Variants in IQCM observed in about 807,000 individuals in gnomAD.
The protein encoded by IQCM is IQ domain-containing protein M.
A neutral mutation model predicts 57.6 loss-of-function variants in IQCM; 45 were observed. The ratio of observed to expected loss-of-function variants is 0.78; its 90% CI spans 0.62 to 1.00. IQCM has a LOEUF of 1.00. Among genes scored for constraint, IQCM ranks in the 50% least tolerant of loss-of-function variants. IQCM has a pLI of 0.00. For missense variants in IQCM, 468 were observed against 511.6 expected, an observed-to-expected ratio of 0.91 and a Z score of 0.82; for synonymous variants, 148 against 158.9, an observed-to-expected ratio of 0.93 and a Z score of 0.51.
In IQCM at chr4:149,390,881, GT is replaced by G. The variant is rs549337957; in HGVS notation, c.1391-38816del. Among the ~76,000 whole-genome samples, 89 of 146,338 alleles carry G rather than the reference GT, an allele frequency of 6.1e-4. 1 individual carries two copies. In the South Asian group the frequency reaches 0.017, roughly 27 times the overall value. Reference sequence around the variant, plus strand: ...GAATATTTGTCTGTAGTTTTGTTTTGTTTTTTTTTTCTTTATATCTGTCTGG... The same window carrying G: ...GAATATTTGTCTGTAGTTTTGTTTTGTTTTTTTTTCTTTATATCTGTCTGG... On this transcript the variant is annotated intron_variant, in intron 13 of 13. Transcript: ENST00000636793.
intron 2 of IQCM, among the ~76,000 whole-genome samples, chr4:149,765,661 A>G (rs546076862): frequency 6.6e-6 from 1 of 152,236 alleles, no homozygotes; most frequent in South Asian, 2.1e-4. Flanking sequence ...TAGTGTAGCT[A>G]AATGATAACC....
intron 12 of IQCM, among the ~76,000 whole-genome samples, chr4:149,456,426 G>A (rs535721850): frequency 1.1e-4 from 16 of 152,104 alleles, no homozygotes; most frequent in Non-Finnish European, 1.3e-4. Flanking sequence ...TTTGGGATGG[G>A]ACCTAAGTCT....
At chr4:149,613,706 C>T (rs1278010441) in intron 8 of IQCM, among the ~76,000 whole-genome samples, 1 of 152,034 alleles carries the variant, frequency 6.6e-6, no homozygotes, top group Non-Finnish European at 1.5e-5. Context: ...TCTCCTAATG[C>T]TATCTCTCCC....
At chr4:149,739,832 T>A (rs974418335) in intron 3 of IQCM, among the ~76,000 whole-genome samples, 1 of 151,492 alleles carries the variant, frequency 6.6e-6, no homozygotes, top group African/African-American at 2.4e-5. Context: ...ATTTATCTTT[T>A]AAAAAAAAAC....
intron 7 of IQCM, among the ~76,000 whole-genome samples, chr4:149,650,410 T>G (rs548785989): frequency 4.0e-5 from 6 of 151,178 alleles, no homozygotes; most frequent in Middle Eastern, 3.4e-3. Context: ...CTGGGTTTTT[T>G]TTTTTTTTTT....
chr4:149,394,631 C>T (rs1194236847), intron 13 of IQCM, among the ~76,000 whole-genome samples: 6 of 151,840 alleles, frequency 4.0e-5, no homozygotes, highest in Non-Finnish European at 5.9e-5. Flanking sequence ...GTCTCTATGG[C>T]CTCCAGGGTG....
chr4:149,387,254 C>T (rs1578882108), intron 13 of IQCM, among the ~76,000 whole-genome samples: 4 of 152,080 alleles, frequency 2.6e-5, no homozygotes, highest in Middle Eastern at 3.4e-3. Context: ...AGCACTAATC[C>T]CATTCATAAG....
At chr4:149,390,163 G>A (rs1731745042) in intron 13 of IQCM, among the ~76,000 whole-genome samples, 1 of 151,948 alleles carries the variant, frequency 6.6e-6, no homozygotes. Flanking sequence ...CAGTACACAA[G>A]TATTGTACTT....
At chr4:149,381,096 A>G (rs920521665) in intron 13 of IQCM, among the ~76,000 whole-genome samples, 15 of 152,130 alleles carry the variant, frequency 9.9e-5, no homozygotes, top group African/African-American at 3.6e-4. Context: ...TTTGCAGGCT[A>G]AAACTATTTG....
chr4:149,795,608 T>C (rs1241464976), intron 2 of IQCM, among the ~76,000 whole-genome samples: 1 of 152,170 alleles, frequency 6.6e-6, no homozygotes, highest in Non-Finnish European at 1.5e-5. Context: ...AAATAAGTGC[T>C]GGCATCTCCT....
At chr4:149,439,859 A>G (rs1486256473) in intron 12 of IQCM, among the ~76,000 whole-genome samples, 1 of 152,014 alleles carries the variant, frequency 6.6e-6, no homozygotes, top group Non-Finnish European at 1.5e-5. Flanking sequence ...AGCATACATA[A>G]TCCATAAGAT....
At chr4:149,757,367 A>T (rs1769074241) in intron 2 of IQCM, among the ~76,000 whole-genome samples, 2 of 150,100 alleles carry the variant, frequency 1.3e-5, no homozygotes, top group Admixed American at 1.4e-4. Context: ...AAGTACAAAA[A>T]AATAAACAGA....
At chr4:149,595,762 G>A (rs1404911612) in intron 8 of IQCM, among the ~76,000 whole-genome samples, 1 of 152,114 alleles carries the variant, frequency 6.6e-6, no homozygotes. Context: ...TTCCAGGAAT[G>A]CAAACAAACC....
chr4:149,772,808 A>G (rs1212604423), intron 2 of IQCM, among the ~76,000 whole-genome samples: 1 of 152,224 alleles, frequency 6.6e-6, no homozygotes, highest in Non-Finnish European at 1.5e-5. Flanking sequence ...TAACAACTAG[A>G]TATCACTTTG....
At chr4:149,761,564 C>T (rs1769517813) in intron 2 of IQCM, among the ~76,000 whole-genome samples, 1 of 152,134 alleles carries the variant, frequency 6.6e-6, no homozygotes, top group Non-Finnish European at 1.5e-5. Context: ...CTTACACTAT[C>T]TATCCTTTAT....
intron 7 of IQCM, among the ~76,000 whole-genome samples, chr4:149,625,297 T>C (rs1224920829): frequency 1.3e-5 from 2 of 152,222 alleles, no homozygotes; most frequent in East Asian, 3.8e-4. Context: ...CCACCTTCTT[T>C]TGTTTGTTTA....
intron 12 of IQCM, among the ~76,000 whole-genome samples, chr4:149,465,071 G>T (rs940627789): frequency 3.3e-5 from 5 of 152,028 alleles, no homozygotes; most frequent in Non-Finnish European, 7.4e-5. Context: ...GCTTACACAA[G>T]TGCCCAAACT....
rs1773340322 is a variant in IQCM at position 149,798,740 on chromosome 4, G to A, written c.-49+16571C>T. ...TAAATTTCAAGACAAAACCATAAGA[G>A]ACAAAAAAGTTCACTATATAACGAT... On this transcript the variant is annotated intron_variant, in intron 2 of 13. Transcript: ENST00000636793. 2.0e-5 allele frequency among the ~76,000 whole-genome samples: 3 copies of A among 151,966 alleles called. No individual in the cohort carries two copies. The East Asian group carries it at 5.8e-4, about 29-fold the overall frequency.
chr4:149,492,551 A>G (rs532258658), intron 12 of IQCM, among the ~76,000 whole-genome samples: 1 of 152,222 alleles, frequency 6.6e-6, no homozygotes, highest in Admixed American at 6.6e-5. Context: ...TTAATATACT[A>G]TAAGAGACAT....
Sources: gnomAD v4.1 joint callset for allele counts (sites outside exome capture counted in the v4.1 genomes callset) on GRCh38, gnomAD v4.1.1 for gene constraint, MANE v1.5 for transcripts, NCBI Gene and HGNC (gene_info 2026-07-23, HGNC 2026-07-21) for gene names.